Variants in HELZ observed in about 807,000 individuals in gnomAD.
HELZ encodes helicase with zinc finger.
Under a neutral mutation model 218.2 loss-of-function variants are expected in HELZ, and 23 were observed. The observed-to-expected ratio is 0.11, with a 90% CI of 0.08 to 0.15. The LOEUF (loss-of-function observed/expected upper bound fraction) is 0.15. Among genes scored for constraint, HELZ ranks in the 10% least tolerant of loss-of-function variants. HELZ has a pLI of 1.00. For missense variants in HELZ, 1,813 were observed against 2,353.7 expected (o/e 0.77, Z 4.75); for synonymous variants, 814 against 829.4 (o/e 0.98, Z 0.32).
chr17:67,116,558 T>C (rs960060179), intron 27 of HELZ, among the ~76,000 whole-genome samples: 2 of 151,824 alleles, frequency 1.3e-5, no homozygotes, highest in African/African-American at 4.8e-5. Context: ...TACACTGATA[T>C]CACACAAAGT....
chr17:67,200,897 AG>A, intron 7 of HELZ: 1 of 492,384 alleles, frequency 2.0e-6, no homozygotes, highest in Non-Finnish European at 3.7e-6. Flanking sequence ...TCTGTCCACT[AG>A]GGACAGAAGA....
chr17:67,234,305 A>G (rs1256009734), intron 3 of HELZ, among the ~76,000 whole-genome samples: 9 of 147,854 alleles, frequency 6.1e-5, no homozygotes, highest in South Asian at 2.1e-4. Flanking sequence ...AAAAAAAAAA[A>G]AAAGAAAGAA....
In HELZ at chr17:67,188,622, A is replaced by G; in HGVS notation, c.865-6T>C. 1 of 1,608,202 alleles carries G rather than the reference A, an allele frequency of 6.2e-7. No homozygotes were observed. Among genetic ancestry groups the G allele is most frequent in the Non-Finnish European group, 8.5e-7 (1 of 1,175,774 alleles). On this transcript the variant is annotated splice_region_variant and splice_polypyrimidine_tract_variant and intron_variant, in intron 11 of 32. Transcript: ENST00000358691. The surrounding 1 kb of genome is among the most constrained non-coding windows in gnomAD (Gnocchi z 4.1). ...CGATACAGCATTCTTGCAGGCTACA[A>G]GGAAGTTAAAATAATTCATTGAGTA...
At chr17:67,201,696 C>G (rs932501308) in intron 6 of HELZ, among the ~76,000 whole-genome samples, 1 of 152,140 alleles carries the variant, frequency 6.6e-6, no homozygotes. Flanking sequence ...AAGCAAATTA[C>G]TCTTTACTCG....
At chr17:67,104,847 C>T (rs1036422128) in intron 31 of HELZ, among the ~76,000 whole-genome samples, 23 of 152,036 alleles carry the variant, frequency 1.5e-4, no homozygotes, top group African/African-American at 5.1e-4. Flanking sequence ...GAGGGCTGGG[C>T]GCGGTGGCTT....
intron 25 of HELZ, among the ~76,000 whole-genome samples, chr17:67,123,572 G>A (rs1169112428): frequency 2.0e-5 from 3 of 152,062 alleles, no homozygotes; most frequent in South Asian, 2.1e-4. Context: ...TTAAAAGCAC[G>A]ACTATGCAAT....
At chr17:67,161,349 G>A (rs1280577514) in intron 15 of HELZ, among the ~76,000 whole-genome samples, 1 of 152,104 alleles carries the variant, frequency 6.6e-6, no homozygotes, top group Non-Finnish European at 1.5e-5. Flanking sequence ...CACATACTTC[G>A]AATCTAGCTG....
intron 3 of HELZ, among the ~76,000 whole-genome samples, chr17:67,222,615 C>T (rs1454247591): frequency 6.6e-6 from 1 of 152,136 alleles, no homozygotes; most frequent in African/African-American, 2.4e-5. Flanking sequence ...TAGTGTGGAA[C>T]TCAATACAAC....
At chr17:67,237,988 C>CAAA (rs796850668) in intron 3 of HELZ, among the ~76,000 whole-genome samples, 1 of 87,078 alleles carries the variant, frequency 1.1e-5, no homozygotes, top group Admixed American at 1.4e-4. Flanking sequence ...GACTCCATCT[C>CAAA]AAAAAAAAAA....
At chr17:67,203,212 G>C in intron 6 of HELZ, 107 bp downstream of exon 6, 2 of 1,163,980 alleles carry the variant, frequency 1.7e-6, no homozygotes, top group South Asian at 1.6e-5. Context: ...TCTAATAGAG[G>C]AAGAACTAAA....
At chr17:67,151,695 G>C (rs764879131) in intron 17 of HELZ, among the ~76,000 whole-genome samples, 1 of 152,244 alleles carries the variant, frequency 6.6e-6, no homozygotes, top group Non-Finnish European at 1.5e-5. Flanking sequence ...TTTTATTTTA[G>C]AATATATTCT....
intron 23 of HELZ, among the ~76,000 whole-genome samples, chr17:67,129,064 T>A (rs2037893851): frequency 6.6e-6 from 1 of 152,144 alleles, no homozygotes; most frequent in Non-Finnish European, 1.5e-5. Flanking sequence ...TGTATTATAG[T>A]ACATATAAAA....
At chr17:67,101,006 A>T (rs1381933120) in intron 31 of HELZ, among the ~76,000 whole-genome samples, 1 of 151,258 alleles carries the variant, frequency 6.6e-6, no homozygotes, top group Non-Finnish European at 1.5e-5. Flanking sequence ...GCTACTCGGG[A>T]GGCTGAGGCA....
intron 2 of HELZ, among the ~76,000 whole-genome samples, chr17:67,240,032 C>T (rs2041280086): frequency 6.6e-6 from 1 of 152,154 alleles, no homozygotes; most frequent in African/African-American, 2.4e-5. Context: ...TTAACCCCCA[C>T]CAGCCCTAAC....
intron 27 of HELZ, among the ~76,000 whole-genome samples, chr17:67,118,068 C>A (rs1406840829): frequency 6.6e-6 from 1 of 152,092 alleles, no homozygotes; most frequent in Non-Finnish European, 1.5e-5. Context: ...TGCAAAAGAC[C>A]TGGAATAGAC....
rs146229920 is a variant in HELZ, at chr17:67,241,650, A to G, written c.-76+2134T>C. On this transcript the variant is annotated intron_variant, in intron 2 of 32. Transcript: ENST00000358691. ...ACCAACTTTAAGACAATGCATTTTA[A>G]TATCTATGGCATTAGAAAATAAAAC... Among the ~76,000 whole-genome samples, 7 of 152,338 alleles carry G rather than the reference A, an allele frequency of 4.6e-5. No individual in the cohort carries two copies. The East Asian group carries it at 1.3e-3, about 29-fold the overall frequency.
chr17:67,221,611 G>A (rs946502851), intron 3 of HELZ, among the ~76,000 whole-genome samples: 2 of 152,164 alleles, frequency 1.3e-5, no homozygotes, highest in African/African-American at 4.8e-5. Flanking sequence ...ATAGCCTGGG[G>A]CAAGTGGCTT....
intron 25 of HELZ, 140 bp downstream of exon 25, chr17:67,123,823 G>GTGTA: frequency 5.8e-6 from 4 of 684,956 alleles, no homozygotes; most frequent in Non-Finnish European, 1.1e-5. Context: ...GACTGTGTGT[G>GTGTA]TGTGTGTGTG....
intron 31 of HELZ, among the ~76,000 whole-genome samples, chr17:67,090,720 T>C (rs2036551079): frequency 6.6e-6 from 1 of 152,160 alleles, no homozygotes. Context: ...ACTGGGTCTG[T>C]AGTGACCCAG....
Sources: gnomAD v4.1 joint callset for allele counts (sites outside exome capture counted in the v4.1 genomes callset) on GRCh38, gnomAD v4.1.1 for gene constraint, Gnocchi (gnomAD v3.1) non-coding constraint, MANE v1.5 for transcripts, NCBI Gene and HGNC (gene_info 2026-07-23, HGNC 2026-07-21) for gene names.